The following KLHL1 variants were observed in gnomAD, a reference collection of about 807,000 sequenced individuals.
KLHL1 encodes the protein kelch-like protein 1.
Under a neutral mutation model 77.7 loss-of-function variants are expected in KLHL1, and 47 were observed. The ratio of observed to expected loss-of-function variants is 0.60; its 90% confidence interval spans 0.48 to 0.77. KLHL1 has a LOEUF of 0.77. Ranked by LOEUF, KLHL1 falls within the 30% of genes least tolerant of loss-of-function variation. The pLI, the probability that KLHL1 is intolerant of heterozygous loss-of-function variation, is 0.00. For synonymous variants in KLHL1, 360 were observed against 325.2 expected (o/e 1.11, Z -1.15); for missense variants, 925 against 910.8 (o/e 1.02, Z -0.20).
At chr13:69,868,226 A>C (rs906321551) in intron 5 of KLHL1, among the ~76,000 whole-genome samples, 1 of 152,156 alleles carries the variant, frequency 6.6e-6, no homozygotes. Context: ...AAATATGCAG[A>C]AAGCAGCATA....
intron 4 of KLHL1, among the ~76,000 whole-genome samples, chr13:69,913,571 G>T (rs1167345093): frequency 6.6e-6 from 1 of 152,178 alleles, no homozygotes; most frequent in African/African-American, 2.4e-5. Flanking sequence ...TTTTGTACTA[G>T]AAATGATTAC....
At chr13:69,982,526 T>G (rs1884742139) in intron 1 of KLHL1, among the ~76,000 whole-genome samples, 1 of 148,948 alleles carries the variant, frequency 6.7e-6, no homozygotes, top group African/African-American at 2.5e-5. Flanking sequence ...GAAAAATCAC[T>G]TAACCTCAAA....
chr13:69,857,004 C>A (rs1040695295), intron 5 of KLHL1, among the ~76,000 whole-genome samples: 3 of 151,954 alleles, frequency 2.0e-5, no homozygotes, highest in African/African-American at 7.2e-5. Flanking sequence ...CTGCTGTTTC[C>A]CTGAATAATA....
intron 1 of KLHL1, among the ~76,000 whole-genome samples, chr13:70,078,065 A>C (rs147127525): frequency 1.1e-3 from 160 of 151,600 alleles, no homozygotes; most frequent in Non-Finnish European, 1.7e-3. Flanking sequence ...TTTTCTTTTT[A>C]TTTTTTATTT....
At chr13:69,743,427 A>G (rs1314293529) in intron 7 of KLHL1, among the ~76,000 whole-genome samples, 1 of 152,178 alleles carries the variant, frequency 6.6e-6, no homozygotes, top group East Asian at 1.9e-4. Flanking sequence ...ATATACTCAC[A>G]TATATTCTGG....
At chr13:70,076,933 AT>A (rs1480917467) in intron 1 of KLHL1, among the ~76,000 whole-genome samples, 6 of 151,914 alleles carry the variant, frequency 3.9e-5, no homozygotes, top group African/African-American at 7.3e-5. Context: ...ATACCACTAT[AT>A]ATTTATTACA....
chr13:69,998,101 G>A (rs1885202216), intron 1 of KLHL1, among the ~76,000 whole-genome samples: 1 of 152,022 alleles, frequency 6.6e-6, no homozygotes, highest in Non-Finnish European at 1.5e-5. Context: ...CTTTACTGAA[G>A]ACATTGCATG....
At chr13:70,032,882 C>T (rs1010674627) in intron 1 of KLHL1, among the ~76,000 whole-genome samples, 1 of 151,926 alleles carries the variant, frequency 6.6e-6, no homozygotes, top group Non-Finnish European at 1.5e-5. Context: ...TGCAGTTTTG[C>T]CATTTTTTTA....
At chr13:69,801,399 G>A (rs1264104000) in intron 6 of KLHL1, among the ~76,000 whole-genome samples, 5 of 152,106 alleles carry the variant, frequency 3.3e-5, no homozygotes, top group African/African-American at 9.7e-5. Context: ...GGCCACATCT[G>A]CCATAGAGAA....
At chr13:70,039,400 A>T (rs76341614) in intron 1 of KLHL1, among the ~76,000 whole-genome samples, 2,807 of 151,944 alleles carry the variant, frequency 0.018, 81 homozygotes, top group African/African-American at 0.063. Flanking sequence ...ATCATTTTCT[A>T]ATTTGACTTT....
Position 69,852,858 on chromosome 13 carries a change from C to A in KLHL1, c.1228-13696G>T, listed in dbSNP as rs376385022. Among the ~76,000 whole-genome samples the A allele has an allele frequency of 2.4e-4, 36 of 152,002 alleles. No homozygotes were observed. The South Asian group carries it at 7.0e-3, about 30-fold the overall frequency. Reference sequence around the variant, plus strand: ...TTCAAACATCTTTACTGAGAAAAAACTTCAGGAATAAATGAAAATATATTT... The same window carrying A: ...TTCAAACATCTTTACTGAGAAAAAAATTCAGGAATAAATGAAAATATATTT... On this transcript the variant is annotated intron_variant, in intron 5 of 10. Transcript: ENST00000377844.
rs187172629 is a variant in KLHL1 at position 69,828,207 on chromosome 13, G to C, written c.1414+10769C>G. Among the ~76,000 whole-genome samples the C allele has an allele frequency of 1.2e-4, 17 of 146,202 alleles. No homozygotes were observed. The East Asian group carries it at 3.0e-3, about 26-fold the overall frequency. On this transcript the variant is annotated intron_variant, in intron 6 of 10. Coordinates refer to ENST00000377844, the MANE Select transcript of KLHL1 (RefSeq NM_020866.3). ...ACTCCATGAACAGCTAGAAAACTGT[G>C]AGTGCCCAAAATGTGAGAGGGGAAA...
At chr13:69,737,653 C>A (rs569930764) in intron 8 of KLHL1, among the ~76,000 whole-genome samples, 1 of 152,186 alleles carries the variant, frequency 6.6e-6, no homozygotes, top group Non-Finnish European at 1.5e-5. Flanking sequence ...TAAGCAGGAC[C>A]CTGATCCACT....
At chr13:69,732,156 G>A (rs74090429) in intron 8 of KLHL1, among the ~76,000 whole-genome samples, 334 of 152,178 alleles carry the variant, frequency 2.2e-3, no homozygotes, top group African/African-American at 7.7e-3. Context: ...AAACAAATTG[G>A]CATTGATTGA....
rs1874970488 is a variant in KLHL1 at position 69,760,500 on chromosome 13, C to T, written c.1640-19944G>A. ...CCTCCTGAGTAGCTGGGATCACAGG[C>T]ATGTACCACCACACCCGGCTAATTT... On this transcript the variant is annotated intron_variant, in intron 7 of 10. Transcript: ENST00000377844. Among the ~76,000 whole-genome samples the T allele has an allele frequency of 2.6e-5, 4 of 151,976 alleles. No homozygotes were observed. In the South Asian group the frequency reaches 8.3e-4, roughly 32 times the overall value.
intron 4 of KLHL1, among the ~76,000 whole-genome samples, chr13:69,908,353 G>T (rs1882112596): frequency 1.3e-5 from 2 of 151,646 alleles, no homozygotes; most frequent in African/African-American, 4.8e-5. Flanking sequence ...ACTTACTAGA[G>T]TAATTTATGT....
intron 3 of KLHL1, among the ~76,000 whole-genome samples, chr13:69,941,565 C>A (rs1883367216): frequency 6.6e-6 from 1 of 151,934 alleles, no homozygotes; most frequent in Non-Finnish European, 1.5e-5. Context: ...GAAACAAGAA[C>A]AAACCAATCC....
At chr13:69,870,390 C>G (rs115385278) in intron 5 of KLHL1, among the ~76,000 whole-genome samples, 1 of 152,148 alleles carries the variant, frequency 6.6e-6, no homozygotes, top group Non-Finnish European at 1.5e-5. Flanking sequence ...ACGACCCAAA[C>G]ACTTCCCATT....
chr13:69,862,870 T>C (rs1880228385), intron 5 of KLHL1, among the ~76,000 whole-genome samples: 3 of 152,136 alleles, frequency 2.0e-5, no homozygotes, highest in Non-Finnish European at 4.4e-5. Context: ...TCTTGGATTT[T>C]AGCTTTCAGA....
Sources: gnomAD v4.1 joint callset for allele counts (sites outside exome capture counted in the v4.1 genomes callset) on GRCh38, gnomAD v4.1.1 for gene constraint, MANE v1.5 for transcripts, NCBI Gene and HGNC (gene_info 2026-07-23, HGNC 2026-07-21) for gene names.